LIMS1: variants seen among roughly 807,000 people sequenced by gnomAD.
The protein encoded by LIMS1 is LIM zinc finger domain containing 1.
LIMS1 carries 18 observed loss-of-function variants against 44.1 expected under a neutral mutation model. That is an observed-to-expected ratio of 0.41 (90% CI 0.28 to 0.61). The LOEUF is 0.61. Ranked by LOEUF, LIMS1 falls within the 20% of genes least tolerant of loss-of-function variation. The pLI is 0.32. For synonymous variants in LIMS1, 93 were observed against 149.1 expected, an observed-to-expected ratio of 0.62 and a Z score of 2.74; for missense variants, 201 against 422.0, an observed-to-expected ratio of 0.48 and a Z score of 4.59.
At chr2:108,581,770 G>T (rs2718720) in intron 1 of LIMS1, among the ~76,000 whole-genome samples, 119,267 of 151,964 alleles carry the variant, frequency 0.78, 47,785 homozygotes, top group East Asian at 1. Context: ...AAACCCCATC[G>T]CTACTAAAAA....
At chr2:108,545,258 A>G (rs1373898881) in intron 1 of LIMS1, among the ~76,000 whole-genome samples, 1 of 152,100 alleles carries the variant, frequency 6.6e-6, no homozygotes, top group African/African-American at 2.4e-5. Context: ...ACATCCTCAT[A>G]TATATAATTT....
At chr2:108,634,218 CT>C (rs1689087833) in intron 1 of LIMS1, among the ~76,000 whole-genome samples, 1 of 152,208 alleles carries the variant, frequency 6.6e-6, no homozygotes, top group South Asian at 2.1e-4. Flanking sequence ...GGAAGAAGGA[CT>C]GCAGGGCTCT....
At chr2:108,600,560 G>A (rs1686951505) in intron 1 of LIMS1, among the ~76,000 whole-genome samples, 1 of 152,158 alleles carries the variant, frequency 6.6e-6, no homozygotes, top group Non-Finnish European at 1.5e-5. Flanking sequence ...GTGAGAGGTA[G>A]GGGTCTAGTT....
chr2:108,602,340 G>A (rs1687061441), intron 1 of LIMS1, among the ~76,000 whole-genome samples: 1 of 152,176 alleles, frequency 6.6e-6, no homozygotes, highest in South Asian at 2.1e-4. Flanking sequence ...GTTGATAACA[G>A]TGGTGAAAGT....
intron 1 of LIMS1, among the ~76,000 whole-genome samples, chr2:108,566,995 A>G (rs1462617612): frequency 1.3e-5 from 2 of 152,098 alleles, no homozygotes; most frequent in Non-Finnish European, 2.9e-5. Flanking sequence ...CAGAACTGAA[A>G]CTCTATATCC....
rs181445996 is a variant in LIMS1, at chr2:108,682,899, A to G, written c.900-986A>G. On this transcript the variant is annotated intron_variant, in intron 9 of 9. Coordinates refer to ENST00000544547, the Ensembl canonical transcript of LIMS1. ...CAGTGAACAAGTTACCAAGTTGTAT[A>G]TTTACTCAATTCAAAATTAAACACT... is the stretch of plus-strand genomic sequence containing the variant. 7.4e-4 allele frequency among the ~76,000 whole-genome samples: 113 copies of G among 152,330 alleles called. 2 individuals are homozygous for G. Among genetic ancestry groups the G allele is most frequent in the Middle Eastern group, 3.4e-3 (1 of 294 alleles).
At chr2:108,647,146 C>G (rs1479455587) in intron 1 of LIMS1, among the ~76,000 whole-genome samples, 4 of 152,082 alleles carry the variant, frequency 2.6e-5, no homozygotes, top group Non-Finnish European at 5.9e-5. Flanking sequence ...ACCACTGATC[C>G]CACAAAAATA....
intron 1 of LIMS1, chr2:108,588,653 T>C (rs1686219459): frequency 1.0e-6 from 1 of 959,880 alleles, no homozygotes; most frequent in African/African-American, 1.8e-5. Context: ...CTGGATTTGT[T>C]TTCCTTATGA....
At chr2:108,584,817 C>T (rs1051493764) in intron 1 of LIMS1, among the ~76,000 whole-genome samples, 9 of 152,032 alleles carry the variant, frequency 5.9e-5, no homozygotes, top group Admixed American at 1.3e-4. Context: ...GTAAAGTGAG[C>T]GGCAGGAAGT....
At chr2:108,612,177 G>A (rs1687695118) in intron 1 of LIMS1, among the ~76,000 whole-genome samples, 2 of 151,462 alleles carry the variant, frequency 1.3e-5, no homozygotes, top group Admixed American at 1.3e-4. Flanking sequence ...CTCACAGAGT[G>A]ACTGGTTTGA....
chr2:108,537,686 A>C (rs1684186471), intron 1 of LIMS1, among the ~76,000 whole-genome samples: 1 of 152,226 alleles, frequency 6.6e-6, no homozygotes, highest in Admixed American at 6.5e-5. Flanking sequence ...TTGCAGGCTT[A>C]GAGAAAACTG....
intron 8 of LIMS1, 73 bp from the exon 9 acceptor site, chr2:108,680,622 T>C (rs1558845659): frequency 1.2e-6 from 2 of 1,608,282 alleles, no homozygotes; most frequent in Non-Finnish European, 1.7e-6. Flanking sequence ...GTTTTGGAGT[T>C]GAAATTCTAA....
intron 1 of LIMS1, among the ~76,000 whole-genome samples, chr2:108,579,421 A>G (rs1414471349): frequency 6.6e-6 from 1 of 152,214 alleles, no homozygotes; most frequent in Non-Finnish European, 1.5e-5. Context: ...GTTTTCAGTG[A>G]TGTTAAATGT....
At chr2:108,635,466 C>T (rs1689180940) in intron 1 of LIMS1, among the ~76,000 whole-genome samples, 1 of 148,784 alleles carries the variant, frequency 6.7e-6, no homozygotes, top group Non-Finnish European at 1.5e-5. Context: ...GTTGTAATCC[C>T]AGCACTTCAG....
intron 1 of LIMS1, among the ~76,000 whole-genome samples, chr2:108,542,540 G>C (rs1384135568): frequency 2.6e-5 from 4 of 152,152 alleles, no homozygotes; most frequent in African/African-American, 9.7e-5. Flanking sequence ...TCATGGCACT[G>C]GTCAAGAAGA....
At chr2:108,657,604 CGAT>C (rs1690983488) in intron 1 of LIMS1, among the ~76,000 whole-genome samples, 1 of 152,296 alleles carries the variant, frequency 6.6e-6, no homozygotes, top group South Asian at 2.1e-4. Context: ...CAAAGCTGGG[CGAT>C]GATGAGAATT....
chr2:108,579,751 A>G (rs551482855), intron 1 of LIMS1, among the ~76,000 whole-genome samples: 2 of 152,348 alleles, frequency 1.3e-5, no homozygotes, highest in Admixed American at 1.3e-4. Context: ...TGTGAACAGG[A>G]ATCATCACTT....
At chr2:108,565,215 T>C (rs1206595823) in intron 1 of LIMS1, among the ~76,000 whole-genome samples, 1 of 152,074 alleles carries the variant, frequency 6.6e-6, no homozygotes, top group Non-Finnish European at 1.5e-5. Context: ...TTAAATGGAA[T>C]GTATGGAAAG....
chr2:108,587,162 C>T (rs940194445), intron 1 of LIMS1, among the ~76,000 whole-genome samples: 1 of 152,126 alleles, frequency 6.6e-6, no homozygotes, highest in Non-Finnish European at 1.5e-5. Context: ...AAGCACTAAA[C>T]CCTTCCCTGT....
Sources: allele counts gnomAD v4.1 joint callset (sites outside exome capture counted in the v4.1 genomes callset), GRCh38; gene constraint gnomAD v4.1.1; transcripts MANE v1.5; gene names NCBI Gene and HGNC (gene_info 2026-07-23, HGNC 2026-07-21).